TPRG1: variants seen among roughly 807,000 people sequenced by gnomAD.
TPRG1 encodes the protein tumor protein p63-regulated gene 1 protein.
Under a neutral mutation model 29.3 loss-of-function variants are expected in TPRG1, and 29 were observed. That is an observed-to-expected ratio of 0.99 (90% confidence interval 0.74 to 1.35). TPRG1 has a LOEUF of 1.35. TPRG1 is among the 40% of genes most tolerant of loss of function. The pLI, the probability that TPRG1 is intolerant of heterozygous loss-of-function variation, is 0.00. For synonymous variants in TPRG1, 130 were observed against 116.8 expected (o/e 1.11, Z -0.73); for missense variants, 327 against 335.0 (o/e 0.98, Z 0.19).
At chr3:189,204,648 G>T (rs1734030357) in intron 1 of TPRG1, among the ~76,000 whole-genome samples, 1 of 152,168 alleles carries the variant, frequency 6.6e-6, no homozygotes, top group Admixed American at 6.5e-5. Flanking sequence ...AGAGGAAGTG[G>T]TGCTAATTAA....
In TPRG1 at chr3:189,184,872, C is replaced by T. The variant is rs116762505; in HGVS notation, c.-10+12741C>T. On this transcript the variant is annotated intron_variant, in intron 1 of 5. Transcript: ENST00000345063. ...CAGTGTTAGCAGTGGGGGTGAGATTCGCAACAGCAGAGCGGATGGGATCTT... is the reference window on the plus strand; with the variant it reads ...CAGTGTTAGCAGTGGGGGTGAGATTTGCAACAGCAGAGCGGATGGGATCTT... Among the ~76,000 whole-genome samples, 1,169 of 152,272 alleles carry T rather than the reference C, an allele frequency of 7.7e-3. 4 individuals are homozygous for T. Among genetic ancestry groups the T allele is most frequent in the Non-Finnish European group, 0.012 (828 of 68,028 alleles).
At chr3:189,074,020 T>C (rs1184477855) in intron 4 of TPRG1, among the ~76,000 whole-genome samples, 2 of 152,146 alleles carry the variant, frequency 1.3e-5, no homozygotes, top group Non-Finnish European at 2.9e-5. Context: ...AAGCTATTGG[T>C]GCTGATGAGA....
chr3:189,285,023 T>A (rs1038499613), intron 4 of TPRG1, among the ~76,000 whole-genome samples: 2 of 151,866 alleles, frequency 1.3e-5, no homozygotes, highest in Admixed American at 6.6e-5. Flanking sequence ...TGGGAGAAAA[T>A]TTTTGCAATC....
intron 4 of TPRG1, among the ~76,000 whole-genome samples, chr3:189,258,361 C>A (rs533341562): frequency 1.5e-4 from 23 of 152,218 alleles, no homozygotes; most frequent in African/African-American, 5.1e-4. Flanking sequence ...TTGCTGCCTG[C>A]TCCTTCCTCT....
chr3:189,023,200 C>T (rs768008083), intron 3 of TPRG1, among the ~76,000 whole-genome samples: 17 of 152,174 alleles, frequency 1.1e-4, no homozygotes, highest in African/African-American at 3.6e-4. Flanking sequence ...GCGTCGCTCA[C>T]GCTGGGAGCT....
intron 4 of TPRG1, among the ~76,000 whole-genome samples, chr3:189,239,243 G>T (rs1221854254): frequency 6.6e-6 from 1 of 152,060 alleles, no homozygotes; most frequent in Non-Finnish European, 1.5e-5. Flanking sequence ...TATGGCCGCA[G>T]CAAGAGAAAA....
At chr3:189,056,862 G>A (rs192208195) in intron 4 of TPRG1, among the ~76,000 whole-genome samples, 1 of 152,262 alleles carries the variant, frequency 6.6e-6, no homozygotes, top group Admixed American at 6.5e-5. Context: ...CAAAATGATG[G>A]CTGGTGCTTT....
At chr3:189,276,525 A>C (rs1466755738) in intron 4 of TPRG1, among the ~76,000 whole-genome samples, 1 of 152,164 alleles carries the variant, frequency 6.6e-6, no homozygotes, top group African/African-American at 2.4e-5. Flanking sequence ...CTCTGATGTC[A>C]TGGTTTTCCT....
chr3:189,208,501 A>G (rs1734757326), intron 2 of TPRG1, among the ~76,000 whole-genome samples: 1 of 152,234 alleles, frequency 6.6e-6, no homozygotes, highest in Non-Finnish European at 1.5e-5. Context: ...TTTAATTAAT[A>G]AATCCTGATT....
intron 1 of TPRG1, among the ~76,000 whole-genome samples, chr3:189,200,851 T>G (rs1032635983): frequency 1.3e-5 from 2 of 152,244 alleles, no homozygotes; most frequent in Non-Finnish European, 2.9e-5. Context: ...TTCTTCAAGA[T>G]TTATATTGAA....
chr3:189,231,242 C>A (rs1366944000), intron 3 of TPRG1, among the ~76,000 whole-genome samples: 1 of 147,564 alleles, frequency 6.8e-6, no homozygotes, highest in African/African-American at 2.6e-5. Context: ...TTTCTTCTCT[C>A]TCTCATACAA....
intron 1 of TPRG1, among the ~76,000 whole-genome samples, chr3:189,107,572 T>A (rs1039687538): frequency 6.6e-6 from 1 of 152,178 alleles, no homozygotes; most frequent in African/African-American, 2.4e-5. Context: ...TTAGCCTTTT[T>A]GTTTTCCTAT....
chr3:189,002,012 G>A (rs1282843744), intron 2 of TPRG1, among the ~76,000 whole-genome samples: 6 of 152,236 alleles, frequency 3.9e-5, no homozygotes, highest in Non-Finnish European at 8.8e-5. Context: ...AACTTAGCGG[G>A]CAGAGCCCAA....
At chr3:189,026,025 AC>A (rs1272840293) in intron 4 of TPRG1, among the ~76,000 whole-genome samples, 1 of 152,242 alleles carries the variant, frequency 6.6e-6, no homozygotes. Flanking sequence ...GTCATTGAAC[AC>A]AAGGTTGAGA....
intron 4 of TPRG1, among the ~76,000 whole-genome samples, chr3:189,086,704 T>A (rs1305712058): frequency 6.6e-6 from 1 of 152,112 alleles, no homozygotes; most frequent in Non-Finnish European, 1.5e-5. Flanking sequence ...ATTTTTTGTA[T>A]TTTTAGTAGA....
rs1714676396 is a variant in TPRG1 at position 189,042,132 on chromosome 3, A to G, written c.-463+18186A>G. ...CCTTAAGAAGCCCTAAACATTGAACAATGAAAATATCCTCAATTTTAGAAA... is the reference window on the plus strand; with the variant it reads ...CCTTAAGAAGCCCTAAACATTGAACGATGAAAATATCCTCAATTTTAGAAA... On this transcript the variant is annotated intron_variant, in intron 4 of 10. Transcript: ENST00000433971. 2.0e-5 allele frequency among the ~76,000 whole-genome samples: 3 copies of G among 152,162 alleles called. No individual in the cohort carries two copies. The South Asian group carries it at 6.2e-4, about 32-fold the overall frequency.
chr3:189,231,541 G>A (rs867684377), intron 3 of TPRG1, among the ~76,000 whole-genome samples: 1 of 151,996 alleles, frequency 6.6e-6, no homozygotes, highest in Non-Finnish European at 1.5e-5. Flanking sequence ...TGTGTGCTTG[G>A]TATTGCATTA....
chr3:189,317,090 T>C (rs528618872), intron 5 of TPRG1, among the ~76,000 whole-genome samples: 80 of 152,280 alleles, frequency 5.3e-4, no homozygotes, highest in African/African-American at 1.7e-3. Flanking sequence ...TCTAGCACTT[T>C]GATTTTGAGT....
At chr3:189,066,014 T>A (rs1334375092) in intron 4 of TPRG1, among the ~76,000 whole-genome samples, 1 of 152,136 alleles carries the variant, frequency 6.6e-6, no homozygotes, top group Non-Finnish European at 1.5e-5. Flanking sequence ...ACTGCAGAAA[T>A]TCAAAGGATC....
Sources: gnomAD v4.1 joint callset for allele counts (sites outside exome capture counted in the v4.1 genomes callset) on GRCh38, gnomAD v4.1.1 for gene constraint, MANE v1.5 for transcripts, NCBI Gene and HGNC (gene_info 2026-07-23, HGNC 2026-07-21) for gene names.